The following PTH2R variants were observed in gnomAD, a reference collection of about 807,000 sequenced individuals.
The protein encoded by PTH2R is parathyroid hormone 2 receptor.
A neutral mutation model predicts 60.3 loss-of-function variants in PTH2R; 59 were observed. The observed-to-expected ratio is 0.98, with a 90% CI of 0.79 to 1.22. The LOEUF (loss-of-function observed/expected upper bound fraction) is 1.22, where lower values mean the gene tolerates loss of function less well. PTH2R is among the 50% of genes most tolerant of loss of function. PTH2R has a pLI of 0.00. For synonymous variants in PTH2R, 256 were observed against 243.8 expected, an observed-to-expected ratio of 1.05 and a Z score of -0.47; for missense variants, 749 against 682.6, an observed-to-expected ratio of 1.10 and a Z score of -1.08.
intron 2 of PTH2R, among the ~76,000 whole-genome samples, chr2:208,429,287 ATTTTCTG>A (rs1436741868): frequency 2.6e-5 from 4 of 151,850 alleles, no homozygotes; most frequent in Non-Finnish European, 5.9e-5. Context: ...TTGACCTATT[ATTTTCTG>A]AGATATATAT....
intron 7 of PTH2R, among the ~76,000 whole-genome samples, chr2:208,448,089 T>A (rs1453911469): frequency 6.6e-6 from 1 of 152,160 alleles, no homozygotes; most frequent in Non-Finnish European, 1.5e-5. Context: ...TATTTTCACA[T>A]AATATGTTCC....
intron 7 of PTH2R, among the ~76,000 whole-genome samples, chr2:208,448,354 T>C (rs1702332174): frequency 6.6e-6 from 1 of 152,126 alleles, no homozygotes; most frequent in Non-Finnish European, 1.5e-5. Flanking sequence ...AAGTTTTGTC[T>C]TCACAAAACT....
chr2:208,477,970 G>GCACTACTAGTAC (rs1559231931), intron 9 of PTH2R, among the ~76,000 whole-genome samples: 1 of 28,538 alleles, frequency 3.5e-5, no homozygotes, highest in African/African-American at 6.3e-5. Context: ...ACTAGTACTA[G>GCACTACTAGTAC]TACTACTAGC....
Position 208,407,084 on chromosome 2 carries a change from T to C in PTH2R, c.41T>C (p.Leu14Pro). 1.4e-6 allele frequency: 2 copies of C among 1,396,950 alleles called. No individual in the cohort carries two copies. The highest frequency in any genetic ancestry group is 1.8e-5 in the South Asian group (1 of 54,176). The allele number at this position is 1,396,950 out of a possible 1,614,324, so 86.5% of individuals were successfully genotyped here. A position where few individuals can be genotyped will look rare whatever the true frequency, so the allele number is the denominator to read the frequency against. The change falls in exon 1 of 13, where the codon CTA (leucine) becomes CCA (proline). Residue 14 changes from leucine to proline, a missense_variant. Transcript: ENST00000272847. ...GCGTCGCTCCACGTCTGGGGTTGGCTAATGCTCGGCAGCTGCCTCCTGGCC... is the reference window on the plus strand; with the variant it reads ...GCGTCGCTCCACGTCTGGGGTTGGCCAATGCTCGGCAGCTGCCTCCTGGCC... ...LGASLHVWGW[L>P]MLGSCLLARA...
chr2:208,388,847 G>GT (rs749098105), intron 1 of PTH2R, among the ~76,000 whole-genome samples: 117 of 152,314 alleles, frequency 7.7e-4, no homozygotes, highest in Non-Finnish European at 2.6e-4. Context: ...TCCCTAGGAA[G>GT]TTTAAAGGCT....
rs901698672 is a variant in PTH2R at position 208,425,132 on chromosome 2, C to T, written c.76-3069C>T. ...AAAATCAAGCAGAACAAAATAATTA[C>T]ATAAGATTGAATACTTCTTAAAAAT... On this transcript the variant is annotated intron_variant, in intron 1 of 12. Coordinates refer to ENST00000272847, the MANE Select transcript of PTH2R (RefSeq NM_005048.4). 7.9e-5 allele frequency among the ~76,000 whole-genome samples: 12 copies of T among 152,184 alleles called. No individual in the cohort carries two copies. In the South Asian group the frequency reaches 2.5e-3, roughly 32 times the overall value.
At chr2:208,488,943 C>A in intron 10 of PTH2R, 69 bp from the exon 11 acceptor site, 1 of 1,559,264 alleles carries the variant, frequency 6.4e-7, no homozygotes. Context: ...TTTTTTTTTC[C>A]TCCAGCACGC....
Position 208,409,264 on chromosome 2 carries a change from A to G in PTH2R, c.75+2146A>G, listed in dbSNP as rs146691649. On this transcript the variant is annotated intron_variant, in intron 1 of 12. Coordinates refer to ENST00000272847, the MANE Select transcript of PTH2R (RefSeq NM_005048.4). Reference sequence around the variant, plus strand: ...ACATTTTATGACCTTCAGTTTCTTCATCTTCAAAAGAGTCATATTGGGCTA... The same window carrying G: ...ACATTTTATGACCTTCAGTTTCTTCGTCTTCAAAAGAGTCATATTGGGCTA... Among the ~76,000 whole-genome samples the G allele has an allele frequency of 3.6e-3, 544 of 152,310 alleles. 3 individuals carry two copies. The highest frequency in any genetic ancestry group is 0.012 in the African/African-American group (513 of 41,566).
At chr2:208,476,080 C>T (rs1407764202) in intron 9 of PTH2R, among the ~76,000 whole-genome samples, 1 of 151,954 alleles carries the variant, frequency 6.6e-6, no homozygotes, top group Non-Finnish European at 1.5e-5. Flanking sequence ...GATGGTATTT[C>T]TAGTAAAGGC....
intron 1 of PTH2R, among the ~76,000 whole-genome samples, chr2:208,365,977 T>A (rs1419534574): frequency 7.3e-4 from 67 of 91,210 alleles, no homozygotes; most frequent in African/African-American, 2.0e-3. Context: ...TTTTTTTTTT[T>A]TTTTTTTTTT....
At chr2:208,490,499 A>G (rs1703378107) in intron 11 of PTH2R, 140 bp from the exon 12 acceptor site, 1 of 699,318 alleles carries the variant, frequency 1.4e-6, no homozygotes, top group East Asian at 2.8e-5. Context: ...ATTTGGAAAC[A>G]CTAGGAGAGA....
chr2:208,463,759 G>A (rs1310974678), intron 9 of PTH2R, among the ~76,000 whole-genome samples: 2 of 152,188 alleles, frequency 1.3e-5, no homozygotes, highest in African/African-American at 4.8e-5. Context: ...GTTGGTTTCT[G>A]GACAGCAATA....
At chr2:208,481,399 T>A (rs1376333020) in intron 10 of PTH2R, among the ~76,000 whole-genome samples, 1 of 151,960 alleles carries the variant, frequency 6.6e-6, no homozygotes, top group Non-Finnish European at 1.5e-5. Flanking sequence ...TTAGTAGAGA[T>A]GAGGTTTTGC....
intron 10 of PTH2R, among the ~76,000 whole-genome samples, chr2:208,483,154 G>A (rs1703196351): frequency 6.6e-6 from 1 of 152,176 alleles, no homozygotes; most frequent in South Asian, 2.1e-4. Flanking sequence ...AGTATCCTAT[G>A]CCCATAGAAT....
rs116257700 is a variant in PTH2R at position 208,464,568 on chromosome 2, G to A, written c.981+4607G>A. On this transcript the variant is annotated intron_variant, in intron 9 of 12. Transcript: ENST00000272847. Reference sequence around the variant, plus strand: ...CCCTTTCTTGGGAATGATGCCAAATGTGTCGCAGTAGTTACAGCATAGATT... The same window carrying A: ...CCCTTTCTTGGGAATGATGCCAAATATGTCGCAGTAGTTACAGCATAGATT... 6.7e-3 allele frequency among the ~76,000 whole-genome samples: 1,025 copies of A among 152,332 alleles called. 16 individuals carry two copies. Among genetic ancestry groups the A allele is most frequent in the African/African-American group, 0.023 (952 of 41,570 alleles).
intron 9 of PTH2R, among the ~76,000 whole-genome samples, chr2:208,476,605 A>G (rs1211862314): frequency 1.3e-5 from 2 of 152,212 alleles, no homozygotes; most frequent in Non-Finnish European, 2.9e-5. Context: ...CAATATGCAA[A>G]TAAACAAAGC....
At chr2:208,419,835 C>T (rs902084374) in intron 1 of PTH2R, among the ~76,000 whole-genome samples, 15 of 152,120 alleles carry the variant, frequency 9.9e-5, no homozygotes, top group African/African-American at 3.1e-4. Flanking sequence ...CACATGCTCA[C>T]GTATGTTTAT....
At position 208,471,044 on chromosome 2, in the gene PTH2R, A is replaced by C. The variant is rs116706700; in HGVS notation, c.982-10026A>C. ...ATTTTTGGAACTTTGAATTGGAGGG[A>C]AATGATTTAGGTATCTGGCAGAAGA... On this transcript the variant is annotated intron_variant, in intron 9 of 12. Transcript: ENST00000272847. 6.6e-3 allele frequency among the ~76,000 whole-genome samples: 1,012 copies of C among 152,220 alleles called. 13 individuals carry two copies. Among genetic ancestry groups the C allele is most frequent in the African/African-American group, 0.023 (939 of 41,540 alleles).
At chr2:208,454,962 A>G (rs1417173413) in intron 8 of PTH2R, among the ~76,000 whole-genome samples, 1 of 152,190 alleles carries the variant, frequency 6.6e-6, no homozygotes, top group Non-Finnish European at 1.5e-5. Flanking sequence ...GAAAATTAGA[A>G]CTGTACAGAG....
Sources: allele counts gnomAD v4.1 joint callset (sites outside exome capture counted in the v4.1 genomes callset), GRCh38; gene constraint gnomAD v4.1.1; transcripts MANE v1.5; gene names NCBI Gene and HGNC (gene_info 2026-07-23, HGNC 2026-07-21).